Variants in MARCHF1 observed in about 807,000 individuals in gnomAD.
The protein encoded by MARCHF1 is membrane associated ring-CH-type finger 1, also known as E3 ubiquitin-protein ligase MARCHF1.
In MARCHF1, 40 loss-of-function variants were observed where a neutral mutation model predicts 54.2. The ratio of observed to expected loss-of-function variants is 0.74; its 90% CI spans 0.57 to 0.96. MARCHF1 has a LOEUF of 0.96. Ranked by LOEUF, MARCHF1 falls within the 40% of genes least tolerant of loss-of-function variation. MARCHF1 has a pLI of 0.00. For synonymous variants in MARCHF1, 236 were observed against 236.3 expected, an observed-to-expected ratio of 1.00 and a Z score of 0.01; for missense variants, 586 against 656.5, an observed-to-expected ratio of 0.89 and a Z score of 1.17.
chr4:164,221,551 TA>T (rs1341931701), intron 1 of MARCHF1, among the ~76,000 whole-genome samples: 1 of 152,036 alleles, frequency 6.6e-6, no homozygotes, highest in Non-Finnish European at 1.5e-5. Flanking sequence ...TTATTTTAGC[TA>T]AAAGTTAAAA....
intron 1 of MARCHF1, among the ~76,000 whole-genome samples, chr4:164,152,330 A>G (rs1181881735): frequency 6.6e-6 from 1 of 152,138 alleles, no homozygotes; most frequent in South Asian, 2.1e-4. Context: ...CTGCTGTCCC[A>G]TATTTCCAGA....
At chr4:163,922,175 T>G (rs969743684) in intron 3 of MARCHF1, among the ~76,000 whole-genome samples, 6 of 80,058 alleles carry the variant, frequency 7.5e-5, no homozygotes, top group African/African-American at 2.0e-4. Flanking sequence ...TGGGAACACA[T>G]GGATGCGGGG....
At chr4:164,132,148 T>C (rs541688381) in intron 1 of MARCHF1, among the ~76,000 whole-genome samples, 1 of 152,268 alleles carries the variant, frequency 6.6e-6, no homozygotes, top group African/African-American at 2.4e-5. Context: ...GTAGTAATGA[T>C]AAAATAATCC....
chr4:164,016,909 C>T (rs1753554991), intron 2 of MARCHF1, among the ~76,000 whole-genome samples: 1 of 152,056 alleles, frequency 6.6e-6, no homozygotes, highest in Non-Finnish European at 1.5e-5. Context: ...CAAAACATCA[C>T]ATGTACCCTA....
chr4:163,943,429 A>C (rs977244764), intron 3 of MARCHF1, among the ~76,000 whole-genome samples: 1 of 152,142 alleles, frequency 6.6e-6, no homozygotes, highest in Admixed American at 6.5e-5. Flanking sequence ...TCCCAGCAAC[A>C]TCTATTGAAT....
At chr4:164,257,931 T>C (rs1353592787) in intron 1 of MARCHF1, among the ~76,000 whole-genome samples, 1 of 152,228 alleles carries the variant, frequency 6.6e-6, no homozygotes, top group Non-Finnish European at 1.5e-5. Flanking sequence ...TAAGTCATTC[T>C]ATTATAAAGA....
chr4:163,977,231 AAGTC>A (rs1160826433), intron 3 of MARCHF1, among the ~76,000 whole-genome samples: 2 of 152,084 alleles, frequency 1.3e-5, no homozygotes, highest in Non-Finnish European at 2.9e-5. Context: ...TTAGTTTACC[AAGTC>A]AGTCAGGAAA....
chr4:163,723,961 G>T lies in MARCHF1; in HGVS notation c.112-23098C>A, dbSNP rs186797563. Among the ~76,000 whole-genome samples, 3 of 152,156 alleles carry T rather than the reference G, an allele frequency of 2.0e-5. No individual in the cohort carries two copies. The East Asian group carries it at 5.8e-4, about 29-fold the overall frequency. On this transcript the variant is annotated intron_variant, in intron 4 of 9. Transcript: ENST00000514618. ...TCAAGGTTTTTAGCTTCTTTGCCTT[G>T]GGTTCAAACTTCCTCCTTTAGCTCG... is the stretch of plus-strand genomic sequence containing the variant.
chr4:163,994,832 T>C (rs892360309), intron 2 of MARCHF1, among the ~76,000 whole-genome samples: 1 of 150,380 alleles, frequency 6.6e-6, no homozygotes, highest in Non-Finnish European at 1.5e-5. Flanking sequence ...AAAGTTTGTC[T>C]AGATGTAGAG....
chr4:164,016,687 G>C (rs1399849907), intron 2 of MARCHF1, among the ~76,000 whole-genome samples: 1 of 152,096 alleles, frequency 6.6e-6, no homozygotes, highest in Non-Finnish European at 1.5e-5. Flanking sequence ...ATAAAGACAG[G>C]ATGGTTAATG....
At chr4:163,887,859 C>A (rs565343778) in intron 3 of MARCHF1, among the ~76,000 whole-genome samples, 63 of 152,236 alleles carry the variant, frequency 4.1e-4, no homozygotes, top group Non-Finnish European at 6.6e-4. Flanking sequence ...CAAATAGGTA[C>A]AGACTCTGGT....
intron 4 of MARCHF1, among the ~76,000 whole-genome samples, chr4:163,815,160 G>A (rs1748499130): frequency 6.6e-6 from 1 of 151,978 alleles, no homozygotes; most frequent in Non-Finnish European, 1.5e-5. Context: ...AAAAAGTTTA[G>A]GTATTTCACT....
intron 1 of MARCHF1, among the ~76,000 whole-genome samples, chr4:164,287,983 C>A (rs1734193418): frequency 6.6e-6 from 1 of 152,056 alleles, no homozygotes; most frequent in African/African-American, 2.4e-5. Context: ...CATAAACTGG[C>A]CCAGAAACAT....
chr4:163,724,253 A>C (rs62332963), intron 4 of MARCHF1, among the ~76,000 whole-genome samples: 56,134 of 151,804 alleles, frequency 0.37, 11,232 homozygotes, highest in Admixed American at 0.45. Context: ...CGATCCTCAG[A>C]TGTTGGAGTT....
rs921299957 is a variant in MARCHF1, at chr4:164,282,152, A to G, written c.-323+101718T>C. Among the ~76,000 whole-genome samples, 14 of 150,538 alleles carry G rather than the reference A, an allele frequency of 9.3e-5. 1 individual carries two copies. Among genetic ancestry groups the G allele is most frequent in the African/African-American group, 3.4e-4 (14 of 41,000 alleles). On this transcript the variant is annotated intron_variant, in intron 1 of 9. Transcript: ENST00000514618. The stretch of plus-strand genomic sequence containing the variant: ...GTTTGTTTCTTCTCCCTCACATCAC[A>G]CATCTCATGGCAGGATATTCCCTGC...
At chr4:164,100,931 G>A (rs538971238) in intron 2 of MARCHF1, among the ~76,000 whole-genome samples, 9 of 152,334 alleles carry the variant, frequency 5.9e-5, no homozygotes, top group South Asian at 2.1e-4. Context: ...GAAGTAGGGC[G>A]AGGCATTGCC....
At chr4:163,803,064 CTGGT>C (rs1227472436) in intron 4 of MARCHF1, among the ~76,000 whole-genome samples, 2 of 152,190 alleles carry the variant, frequency 1.3e-5, no homozygotes, top group Non-Finnish European at 2.9e-5. Context: ...CTGAAATACA[CTGGT>C]TGGAATTTCT....
chr4:163,653,708 T>G (rs1444672297), intron 5 of MARCHF1, among the ~76,000 whole-genome samples: 1 of 151,688 alleles, frequency 6.6e-6, no homozygotes, highest in Admixed American at 6.6e-5. Context: ...AGGAACTAGA[T>G]GAGTGGATTT....
intron 5 of MARCHF1, among the ~76,000 whole-genome samples, chr4:163,629,289 A>C (rs555921530): frequency 6.6e-6 from 1 of 152,314 alleles, no homozygotes; most frequent in South Asian, 2.1e-4. Flanking sequence ...CAAACCTGAC[A>C]AAAACAAGCA....
Sources: gnomAD v4.1 joint callset for allele counts (sites outside exome capture counted in the v4.1 genomes callset) on GRCh38, gnomAD v4.1.1 for gene constraint, MANE v1.5 for transcripts, NCBI Gene and HGNC (gene_info 2026-07-23, HGNC 2026-07-21) for gene names.